Variants in CA8 observed in about 807,000 individuals in gnomAD.
CA8 encodes the protein carbonic anhydrase 8 (inactive), also known as carbonic anhydrase-related protein.
CA8 carries 22 observed loss-of-function variants against 41.4 expected under a neutral mutation model. That is an observed-to-expected ratio of 0.53 (90% CI 0.38 to 0.76). CA8 has a LOEUF of 0.76. Among genes scored for constraint, CA8 ranks in the 30% least tolerant of loss-of-function variants. The pLI, the probability that CA8 is intolerant of heterozygous loss-of-function variation, is 0.00. For synonymous variants in CA8, 121 were observed against 130.6 expected (o/e 0.93, Z 0.50); for missense variants, 270 against 352.8 (o/e 0.77, Z 1.88).
At chr8:60,237,478 A>T (rs890878105) in intron 3 of CA8, among the ~76,000 whole-genome samples, 5 of 152,232 alleles carry the variant, frequency 3.3e-5, no homozygotes, top group African/African-American at 1.2e-4. Context: ...CCGCATTAGC[A>T]CTGCATCTGT....
intron 7 of CA8, among the ~76,000 whole-genome samples, chr8:60,212,330 A>T (rs187018087): frequency 5.3e-5 from 8 of 152,342 alleles, no homozygotes; most frequent in Non-Finnish European, 7.3e-5. Flanking sequence ...CCAAGTTCTA[A>T]TAGATTTATT....
chr8:60,200,755 T>C, intron 8 of CA8, among the ~76,000 whole-genome samples: 1 of 152,272 alleles, frequency 6.6e-6, no homozygotes, highest in South Asian at 2.1e-4. Context: ...TCCCCATCAA[T>C]TCCATCACTC....
At chr8:60,254,191 G>A (rs1808544531) in intron 3 of CA8, among the ~76,000 whole-genome samples, 1 of 152,052 alleles carries the variant, frequency 6.6e-6, no homozygotes, top group Non-Finnish European at 1.5e-5. Context: ...TTTATCACAG[G>A]GTTTGGCTTT....
At chr8:60,271,654 C>G (rs1415102490) in intron 2 of CA8, among the ~76,000 whole-genome samples, 1 of 152,126 alleles carries the variant, frequency 6.6e-6, no homozygotes. Context: ...CACAAATGAC[C>G]TATCTTGATT....
At position 60,268,503 on chromosome 8, in the gene CA8, T is replaced by C. The variant is rs143378496; in HGVS notation, c.293-2454A>G. On this transcript the variant is annotated intron_variant, in intron 2 of 8. Transcript: ENST00000317995. ...AATATACTCCCCGCATGACCAATGC[T>C]CAAAACTTCCTTAACAGCAATGAAC... Among the ~76,000 whole-genome samples, 393 of 152,292 alleles carry C rather than the reference T, an allele frequency of 2.6e-3. 1 individual carries two copies. Among genetic ancestry groups the C allele is most frequent in the Middle Eastern group, 0.017 (5 of 294 alleles).
intron 2 of CA8, among the ~76,000 whole-genome samples, chr8:60,268,693 A>G (rs1803974689): frequency 6.6e-6 from 1 of 152,196 alleles, no homozygotes; most frequent in Non-Finnish European, 1.5e-5. Context: ...TACTGTATTA[A>G]GTATTTAGAA....
chr8:60,224,087 C>CGTTT (rs774053646), intron 6 of CA8, among the ~76,000 whole-genome samples: 131 of 152,160 alleles, frequency 8.6e-4, no homozygotes, highest in Admixed American at 4.1e-3. Context: ...TTTGTTTGTT[C>CGTTT]GTTTGTTTGT....
Position 60,188,495 on chromosome 8 carries a change from A to C in CA8, c.*1526T>G, listed in dbSNP as rs943618634. The C allele has an allele frequency of 6.6e-6, 1 of 152,206 alleles. No individual in the cohort carries two copies. Among genetic ancestry groups the C allele is most frequent in the Non-Finnish European group, 1.5e-5 (1 of 68,032 alleles). The allele number at this position is 152,206 out of a possible 1,614,324, so 9.4% of individuals were successfully genotyped here. ...AAATAAGGCTGCACGTGTGCAGCCA[A>C]TGTTTGGCATGTGAGTGGTAACAGT... On this transcript the variant is annotated 3_prime_UTR_variant, in exon 9 of 9. Coordinates refer to ENST00000317995, the MANE Select transcript of CA8 (RefSeq NM_004056.6).
At chr8:60,252,956 G>A (rs962704049) in intron 3 of CA8, among the ~76,000 whole-genome samples, 4 of 152,050 alleles carry the variant, frequency 2.6e-5, no homozygotes, top group African/African-American at 9.7e-5. Context: ...ATGGCTCAGG[G>A]TGGTGGTTCA....
chr8:60,248,260 A>T (rs1038759778), intron 3 of CA8, among the ~76,000 whole-genome samples: 9 of 151,966 alleles, frequency 5.9e-5, no homozygotes, highest in African/African-American at 2.2e-4. Context: ...GTTTAATTAG[A>T]TACGATTTGT....
intron 2 of CA8, 68 bp from the exon 3 acceptor site, chr8:60,266,117 C>CT (rs5891756): frequency 6.4e-3 from 7,990 of 1,241,626 alleles, no homozygotes; most frequent in East Asian, 7.7e-3. Context: ...ACATTAGAGA[C>CT]TTTTTTTTTT....
intron 7 of CA8, among the ~76,000 whole-genome samples, chr8:60,215,293 T>C (rs1806976643): frequency 6.6e-6 from 1 of 152,076 alleles, no homozygotes; most frequent in African/African-American, 2.4e-5. Context: ...ATATTACAGT[T>C]ATTTAATGGT....
chr8:60,273,753 A>T (rs770958409), intron 2 of CA8, among the ~76,000 whole-genome samples: 3 of 152,272 alleles, frequency 2.0e-5, no homozygotes, highest in Non-Finnish European at 4.4e-5. Flanking sequence ...AAGTCCTGTA[A>T]GAATATAAAA....
chr8:60,234,045 T>C (rs1807747094), intron 3 of CA8, among the ~76,000 whole-genome samples: 1 of 152,218 alleles, frequency 6.6e-6, no homozygotes, highest in African/African-American at 2.4e-5. Context: ...ACAAACACTA[T>C]CTGATCAAGG....
intron 7 of CA8, among the ~76,000 whole-genome samples, chr8:60,217,370 T>C (rs943009320): frequency 3.9e-5 from 6 of 152,190 alleles, no homozygotes; most frequent in Non-Finnish European, 7.3e-5. Context: ...GTGCAGAATC[T>C]GACACTCGTA....
At chr8:60,194,931 T>C (rs1806237558) in intron 8 of CA8, among the ~76,000 whole-genome samples, 1 of 152,218 alleles carries the variant, frequency 6.6e-6, no homozygotes. Context: ...CAATTGATGG[T>C]CATTATTTGA....
At chr8:60,242,945 TAC>T in intron 3 of CA8, among the ~76,000 whole-genome samples, 1 of 152,324 alleles carries the variant, frequency 6.6e-6, no homozygotes, top group Middle Eastern at 3.4e-3. Context: ...CTTACTTTCT[TAC>T]AGTTTAAAGA....
intron 7 of CA8, among the ~76,000 whole-genome samples, chr8:60,222,194 A>T (rs1014381131): frequency 5.3e-5 from 8 of 152,326 alleles, no homozygotes; most frequent in African/African-American, 1.9e-4. Flanking sequence ...AAGTAGAGCT[A>T]GAAAACAATC....
At chr8:60,234,542 A>ACC in intron 3 of CA8, among the ~76,000 whole-genome samples, 1 of 152,218 alleles carries the variant, frequency 6.6e-6, no homozygotes, top group South Asian at 2.1e-4. Flanking sequence ...TATAAATGTT[A>ACC]AACTGTTCTA....
Sources: allele counts gnomAD v4.1 joint callset (sites outside exome capture counted in the v4.1 genomes callset), GRCh38; gene constraint gnomAD v4.1.1; transcripts MANE v1.5; gene names NCBI Gene and HGNC (gene_info 2026-07-23, HGNC 2026-07-21).